The following DNAJC5B variants were observed in gnomAD, a reference collection of about 807,000 sequenced individuals.
The protein encoded by DNAJC5B is DnaJ heat shock protein family (Hsp40) member C5 beta.
Under a neutral mutation model 24.7 loss-of-function variants are expected in DNAJC5B, and 23 were observed. The observed-to-expected ratio is 0.93, with a 90% CI of 0.67 to 1.32. The LOEUF is 1.32. Ranked by LOEUF, DNAJC5B falls within the 40% of genes most tolerant of loss-of-function variation. DNAJC5B has a pLI of 0.00. For missense variants in DNAJC5B, 238 were observed against 240.8 expected, an observed-to-expected ratio of 0.99 and a Z score of 0.08; for synonymous variants, 101 against 90.1, an observed-to-expected ratio of 1.12 and a Z score of -0.68.
intron 5 of DNAJC5B, among the ~76,000 whole-genome samples, chr8:66,083,179 T>A (rs1389453292): frequency 6.6e-6 from 1 of 151,810 alleles, no homozygotes; most frequent in Middle Eastern, 3.2e-3. Context: ...ACCCGGCTAA[T>A]TTTTTGTATT....
chr8:66,090,251 A>ATGTGTG (rs147978582), intron 5 of DNAJC5B, among the ~76,000 whole-genome samples: 6,886 of 145,346 alleles, frequency 0.047, 197 homozygotes, highest in Non-Finnish European at 0.071. Context: ...GCGTGCAGGC[A>ATGTGTG]TGTGTGTGTG....
At chr8:66,085,616 C>A (rs1807706758) in intron 5 of DNAJC5B, among the ~76,000 whole-genome samples, 1 of 151,934 alleles carries the variant, frequency 6.6e-6, no homozygotes, top group Non-Finnish European at 1.5e-5. Context: ...TTTCTATGAA[C>A]CTATTCCTAT....
At chr8:66,093,096 T>G (rs113243352) in intron 5 of DNAJC5B, among the ~76,000 whole-genome samples, 79 of 152,308 alleles carry the variant, frequency 5.2e-4, no homozygotes, top group African/African-American at 1.8e-3. Flanking sequence ...TTCACTGTTG[T>G]ATAATATTTT....
chr8:66,067,358 G>C (rs1009530539), intron 3 of DNAJC5B, among the ~76,000 whole-genome samples: 2 of 152,044 alleles, frequency 1.3e-5, no homozygotes, highest in African/African-American at 4.8e-5. Context: ...AGCCCAACAA[G>C]GATGAAGGTC....
intron 5 of DNAJC5B, among the ~76,000 whole-genome samples, chr8:66,095,046 G>C (rs1425833657): frequency 1.3e-5 from 2 of 152,054 alleles, no homozygotes; most frequent in Non-Finnish European, 2.9e-5. Flanking sequence ...ATATTAATGA[G>C]AGTGGTCTAT....
chr8:66,016,119 T>C, the DNAJC5B span, among the ~76,000 whole-genome samples: 1 of 152,206 alleles, frequency 6.6e-6, no homozygotes, highest in African/African-American at 2.4e-5. Flanking sequence ...TATGGCCACA[T>C]CCTCTGGAAG....
rs9298108 is a variant in DNAJC5B at position 66,043,602 on chromosome 8, G to A, written c.-27G>A. ...AAGGAGCAGCTGTTTGCTTTGAAACGGTGGAACAGGTATGGAACAGCAGCT... is the reference window on the plus strand; with the variant it reads ...AAGGAGCAGCTGTTTGCTTTGAAACAGTGGAACAGGTATGGAACAGCAGCT... On this transcript the variant is annotated 5_prime_UTR_variant, in exon 2 of 6. Transcript: ENST00000276570. 0.33 allele frequency: 50,517 copies of A among 152,096 alleles called. 14,919 individuals are homozygous for A. The highest frequency in any genetic ancestry group is 0.8 in the African/African-American group (33,017 of 41,462). 9.4% of individuals were successfully genotyped at this position (152,096 alleles called of 1,614,324 possible). A position where few individuals can be genotyped will look rare whatever the true frequency, so the allele number is the denominator to read the frequency against.
chr8:66,083,117 T>C (rs1033611329), intron 5 of DNAJC5B, among the ~76,000 whole-genome samples: 14 of 144,958 alleles, frequency 9.7e-5, no homozygotes, highest in African/African-American at 2.1e-4. Context: ...GTTCAAGCAA[T>C]TCTCCTGCCT....
At chr8:66,066,710 C>T (rs551265919) in intron 3 of DNAJC5B, among the ~76,000 whole-genome samples, 5 of 151,884 alleles carry the variant, frequency 3.3e-5, no homozygotes, top group East Asian at 1.9e-4. Context: ...TAAGGGACTT[C>T]GGAGACTCAG....
intron 1 of DNAJC5B, among the ~76,000 whole-genome samples, chr8:66,030,924 T>C (rs533293116): frequency 6.6e-6 from 1 of 152,320 alleles, no homozygotes; most frequent in African/African-American, 2.4e-5. Flanking sequence ...GGCATGAATC[T>C]TTCCTTATTC....
At chr8:66,027,144 A>G (rs1174649085) in intron 1 of DNAJC5B, among the ~76,000 whole-genome samples, 1 of 152,122 alleles carries the variant, frequency 6.6e-6, no homozygotes, top group Non-Finnish European at 1.5e-5. Flanking sequence ...GTAAGGGTAA[A>G]GGGTATCCTG....
At chr8:66,053,429 CA>C (rs566705009) in intron 3 of DNAJC5B, among the ~76,000 whole-genome samples, 98 of 149,276 alleles carry the variant, frequency 6.6e-4, no homozygotes, top group African/African-American at 2.3e-3. Flanking sequence ...TTCCAACTTG[CA>C]AAAAAAAATG....
chr8:66,055,839 G>A (rs1586085945), intron 3 of DNAJC5B, among the ~76,000 whole-genome samples: 2 of 152,324 alleles, frequency 1.3e-5, no homozygotes, highest in East Asian at 3.9e-4. Flanking sequence ...CTGCTCGGGA[G>A]GCTGAGGCAC....
intron 1 of DNAJC5B, among the ~76,000 whole-genome samples, chr8:66,021,978 T>C (rs1461881456): frequency 6.6e-6 from 1 of 152,084 alleles, no homozygotes; most frequent in Non-Finnish European, 1.5e-5. Context: ...ATAAGTTAAC[T>C]AAGGAAGTAT....
At chr8:66,069,111 T>C (rs1360081468) in intron 3 of DNAJC5B, among the ~76,000 whole-genome samples, 1 of 151,654 alleles carries the variant, frequency 6.6e-6, no homozygotes, top group African/African-American at 2.4e-5. Flanking sequence ...GGAAAAAAAG[T>C]AGAGTAATGA....
chr8:66,079,786 G>T (rs1807551055), intron 4 of DNAJC5B, among the ~76,000 whole-genome samples: 1 of 152,186 alleles, frequency 6.6e-6, no homozygotes, highest in Admixed American at 6.5e-5. Context: ...AGGGAGGCCA[G>T]TTGCGAGGCT....
chr8:66,057,769 G>A (rs112906861), intron 3 of DNAJC5B: 2 of 152,180 alleles, frequency 1.3e-5, no homozygotes, highest in Non-Finnish European at 2.9e-5. Context: ...AGTGACAAAA[G>A]ATTTTTCAAC....
At chr8:66,017,250 A>C (rs1805979110), upstream of DNAJC5B, among the ~76,000 whole-genome samples, 1 of 152,230 alleles carries the variant, frequency 6.6e-6, no homozygotes, top group Admixed American at 6.5e-5. Context: ...TAGAGCATTC[A>C]ACTCAAACGA....
intron 5 of DNAJC5B, among the ~76,000 whole-genome samples, chr8:66,082,434 C>T (rs1807617253): frequency 6.6e-6 from 1 of 152,054 alleles, no homozygotes; most frequent in Non-Finnish European, 1.5e-5. Flanking sequence ...TTCAGTAGAC[C>T]TTCTTTGTGG....
Sources: gnomAD v4.1 joint callset for allele counts (sites outside exome capture counted in the v4.1 genomes callset) on GRCh38, gnomAD v4.1.1 for gene constraint, MANE v1.5 for transcripts, NCBI Gene and HGNC (gene_info 2026-07-23, HGNC 2026-07-21) for gene names.